The following CASP8 variants were observed in gnomAD, a reference collection of about 807,000 sequenced individuals.
The protein encoded by CASP8 is caspase-8.
A neutral mutation model predicts 46.3 loss-of-function variants in CASP8; 24 were observed. The ratio of observed to expected loss-of-function variants is 0.52; its 90% CI spans 0.38 to 0.73. The LOEUF (loss-of-function observed/expected upper bound fraction) is 0.73, where lower values mean the gene tolerates loss of function less well. Among genes scored for constraint, CASP8 ranks in the 30% least tolerant of loss-of-function variants. The pLI is 0.00. For missense variants in CASP8, 460 were observed against 559.0 expected, an observed-to-expected ratio of 0.82 and a Z score of 1.79; for synonymous variants, 188 against 200.4, an observed-to-expected ratio of 0.94 and a Z score of 0.52.
At chr2:201,269,834 G>A (rs1948118006) in intron 2 of CASP8, among the ~76,000 whole-genome samples, 1 of 152,188 alleles carries the variant, frequency 6.6e-6, no homozygotes, top group Admixed American at 6.5e-5. Context: ...ACTAAATGGT[G>A]ATGGTACAAG....
chr2:201,235,451 T>C (rs1946008942), intron 2 of CASP8, among the ~76,000 whole-genome samples: 1 of 152,224 alleles, frequency 6.6e-6, no homozygotes, highest in Admixed American at 6.5e-5. Context: ...TATTTCCAGT[T>C]GTTTTTTATT....
intron 2 of CASP8, among the ~76,000 whole-genome samples, chr2:201,244,345 A>G (rs1254521310): frequency 1.3e-5 from 2 of 152,258 alleles, no homozygotes; most frequent in Non-Finnish European, 2.9e-5. Context: ...CAGGCATATC[A>G]ATGAATTTAG....
At chr2:201,264,797 C>T (rs1426196607) in intron 1 of CASP8, among the ~76,000 whole-genome samples, 5 of 152,062 alleles carry the variant, frequency 3.3e-5, no homozygotes, top group African/African-American at 4.8e-5. Context: ...GCGCCCTGCA[C>T]TCCAGCCTGG....
intron 2 of CASP8, chr2:201,241,252 T>TG (rs1331793259): frequency 1.3e-5 from 2 of 152,088 alleles, no homozygotes; most frequent in Non-Finnish European, 2.9e-5. Flanking sequence ...ACAAATTTTT[T>TG]GAAAAGAATA....
At chr2:201,239,896 G>C (rs1946231842) in intron 2 of CASP8, among the ~76,000 whole-genome samples, 1 of 152,332 alleles carries the variant, frequency 6.6e-6, no homozygotes, top group South Asian at 2.1e-4. Context: ...CCAAGTTCCT[G>C]AGATCTGGCT....
At chr2:201,259,057 A>G (rs1947203386), upstream of CASP8, among the ~76,000 whole-genome samples, 3 of 152,212 alleles carry the variant, frequency 2.0e-5, no homozygotes, top group Non-Finnish European at 4.4e-5. Flanking sequence ...TCCAGAGGTG[A>G]CTGTGAGGCT....
intron 2 of CASP8, among the ~76,000 whole-genome samples, chr2:201,267,878 T>C (rs1336085720): frequency 1.3e-5 from 2 of 152,220 alleles, no homozygotes; most frequent in African/African-American, 4.8e-5. Context: ...CTCTGGTCTT[T>C]CTATTCTCAG....
At chr2:201,261,329 TGTG>T (rs1370005739) in intron 1 of CASP8, among the ~76,000 whole-genome samples, 1 of 146,732 alleles carries the variant, frequency 6.8e-6, no homozygotes, top group Non-Finnish European at 1.5e-5. Context: ...AGGTGGAAGT[TGTG>T]GTGAGCCGAG....
At chr2:201,264,403 CT>C (rs111873858) in intron 1 of CASP8, among the ~76,000 whole-genome samples, 12,493 of 143,994 alleles carry the variant, frequency 0.087, 917 homozygotes, top group African/African-American at 0.2. Context: ...TTTGGTTTTG[CT>C]TTTTTTTTTT....
At chr2:201,259,802 C>G (rs1048016752), upstream of CASP8, among the ~76,000 whole-genome samples, 1 of 151,894 alleles carries the variant, frequency 6.6e-6, no homozygotes, top group African/African-American at 2.4e-5. Flanking sequence ...TTCATGGTTT[C>G]CTCAGCTACA....
rs200261147 is a variant in CASP8 at position 201,266,645 on chromosome 2, G to A, written c.159G>A (p.Met53Ile). The change falls in exon 2 of 9, where the codon ATG (methionine) becomes ATA (isoleucine). Residue 53 changes from methionine to isoleucine, a missense_variant. Coordinates refer to ENST00000673742, the MANE Select transcript of CASP8 (RefSeq NM_001372051.1). This position sits in a 1 kb window ranked among gnomAD's most constrained non-coding sequence, Gnocchi z 5.7. ...MLFQRLQEKR[M>I]LEESNLSFLK... ...TCCAGAGACTCCAGGAAAAGAGAATGTTGGAGGAAAGCAATCTGTCCTTCC... is the reference window on the plus strand; with the variant it reads ...TCCAGAGACTCCAGGAAAAGAGAATATTGGAGGAAAGCAATCTGTCCTTCC... 3.8e-5 allele frequency: 62 copies of A among 1,614,062 alleles called. 1 individual carries two copies. The Admixed American group carries it at 1.0e-3, about 26-fold the overall frequency.
At chr2:201,242,115 A>G (rs1319963929) in intron 2 of CASP8, 1 of 152,228 alleles carries the variant, frequency 6.6e-6, no homozygotes, top group African/African-American at 2.4e-5. Flanking sequence ...TGAGCTTTTC[A>G]TATATGGGAT....
At chr2:201,251,323 G>T (rs6724121) in intron 2 of CASP8, among the ~76,000 whole-genome samples, 1,930 of 151,054 alleles carry the variant, frequency 0.013, 39 homozygotes, top group African/African-American at 0.044. Flanking sequence ...GGCCAGGCGC[G>T]GTGGCTCATG....
intron 2 of CASP8, among the ~76,000 whole-genome samples, chr2:201,254,647 T>C (rs2125021064): frequency 6.6e-6 from 1 of 152,350 alleles, no homozygotes; most frequent in African/African-American, 2.4e-5. Flanking sequence ...TCAAGATGAA[T>C]GGGAAGGGTG....
intron 6 of CASP8, 118 bp from the exon 7 acceptor site, chr2:201,276,709 C>T (rs570220258): frequency 4.6e-5 from 60 of 1,310,362 alleles, no homozygotes; most frequent in Admixed American, 2.1e-4. Context: ...TTCGAGGAAA[C>T]GACCCCGAGT....
intron 1 of CASP8, chr2:201,262,202 C>G (rs1341673426): frequency 6.6e-6 from 1 of 152,088 alleles, no homozygotes; most frequent in Non-Finnish European, 1.5e-5. Flanking sequence ...GGCTGTGGCT[C>G]TCTCTCTTAC....
chr2:201,287,109 G>A lies in CASP8; in HGVS notation c.*515G>A, dbSNP rs747884618. On this transcript the variant is annotated 3_prime_UTR_variant, in exon 9 of 9. Transcript: ENST00000673742. ...GCTGGTGGCAATAAATACCAGACAC[G>A]TACAAAATCCAGCTATGAATATAGA... 5.8e-5 allele frequency: 10 copies of A among 171,582 alleles called. No individual in the cohort carries two copies. Among genetic ancestry groups the A allele is most frequent in the East Asian group, 3.3e-4 (2 of 6,038 alleles). 10.6% of individuals were successfully genotyped at this position (171,582 alleles called of 1,614,324 possible). A position where few individuals can be genotyped will look rare whatever the true frequency, so the allele number is the denominator to read the frequency against.
At chr2:201,268,289 G>A (rs1233068426) in intron 2 of CASP8, among the ~76,000 whole-genome samples, 1 of 152,168 alleles carries the variant, frequency 6.6e-6, no homozygotes, top group Non-Finnish European at 1.5e-5. Flanking sequence ...GGTGGCTCAC[G>A]CCTGTAATCC....
intron 2 of CASP8, among the ~76,000 whole-genome samples, chr2:201,246,683 A>G (rs1946536093): frequency 6.6e-6 from 1 of 152,102 alleles, no homozygotes; most frequent in Non-Finnish European, 1.5e-5. Context: ...ATCTGTCCTG[A>G]GGCTTTGAAA....
Sources: allele counts gnomAD v4.1 joint callset (sites outside exome capture counted in the v4.1 genomes callset), GRCh38; gene constraint gnomAD v4.1.1; non-coding constraint Gnocchi (gnomAD v3.1); transcripts MANE v1.5; gene names NCBI Gene and HGNC (gene_info 2026-07-23, HGNC 2026-07-21).